The following FTO variants were observed in gnomAD, a reference collection of about 807,000 sequenced individuals.
FTO encodes the protein FTO alpha-ketoglutarate dependent dioxygenase.
Under a neutral mutation model 63.9 loss-of-function variants are expected in FTO, and 47 were observed. The observed-to-expected ratio is 0.74, with a 90% CI of 0.58 to 0.94. FTO has a LOEUF of 0.94. Ranked by LOEUF, FTO falls within the 40% of genes least tolerant of loss-of-function variation. The pLI is 0.00. For missense variants in FTO, 562 were observed against 618.1 expected, an observed-to-expected ratio of 0.91 and a Z score of 0.96; for synonymous variants, 207 against 224.4, an observed-to-expected ratio of 0.92 and a Z score of 0.69.
At chr16:53,758,918 G>C (rs150904975) in intron 1 of FTO, among the ~76,000 whole-genome samples, 9 of 151,468 alleles carry the variant, frequency 5.9e-5, no homozygotes, top group African/African-American at 2.2e-4. Flanking sequence ...TTAAAAAAAA[G>C]TTGTCCTTAG....
chr16:54,028,622 A>G (rs2084766787), intron 8 of FTO, among the ~76,000 whole-genome samples: 1 of 152,228 alleles, frequency 6.6e-6, no homozygotes, highest in Non-Finnish European at 1.5e-5. Context: ...CAAGTTGTAC[A>G]TTCTTGGAAG....
chr16:54,062,808 G>GT (rs754331525), intron 8 of FTO, among the ~76,000 whole-genome samples: 2 of 152,206 alleles, frequency 1.3e-5, no homozygotes, highest in Non-Finnish European at 2.9e-5. Context: ...AGACAGATAA[G>GT]TAACTGTGAA....
At chr16:53,917,471 T>C (rs2081897873) in intron 7 of FTO, among the ~76,000 whole-genome samples, 1 of 152,272 alleles carries the variant, frequency 6.6e-6, no homozygotes, top group Admixed American at 6.5e-5. Flanking sequence ...AGGATTTAAA[T>C]TGGGGTTACA....
chr16:54,014,850 CTTTT>C (rs149634902), intron 8 of FTO, among the ~76,000 whole-genome samples: 29,845 of 100,090 alleles, frequency 0.3, 3,287 homozygotes, highest in African/African-American at 0.43. Flanking sequence ...CTCTCTCTCT[CTTTT>C]TTTTTTTTTT....
intron 8 of FTO, among the ~76,000 whole-genome samples, chr16:54,020,970 C>CA (rs1488480160): frequency 1.3e-5 from 2 of 149,302 alleles, no homozygotes; most frequent in Admixed American, 6.6e-5. Flanking sequence ...GACTTTGTCT[C>CA]AAAAAAAGAA....
Position 54,111,985 on chromosome 16 carries a change from A to G in FTO, c.*70A>G, listed in dbSNP as rs752200242. 3.2e-6 allele frequency: 5 copies of G among 1,571,840 alleles called. No homozygotes were observed. In the South Asian group the frequency reaches 4.4e-5, roughly 14 times the overall value. On this transcript the variant is annotated 3_prime_UTR_variant, in exon 9 of 9. Transcript: ENST00000471389. ...TCTCCTCCAACGTTGTCATGGGCTT[A>G]AGCAAGAGCAGTGGAGACTTCTCTT... is the stretch of plus-strand genomic sequence containing the variant.
intron 1 of FTO, among the ~76,000 whole-genome samples, chr16:53,716,886 T>A (rs2075906535): frequency 6.6e-6 from 1 of 150,712 alleles, no homozygotes; most frequent in South Asian, 2.1e-4. Context: ...GTTATTATGC[T>A]TATATATAAT....
At chr16:53,986,621 A>G (rs1331248780) in intron 8 of FTO, among the ~76,000 whole-genome samples, 2 of 152,248 alleles carry the variant, frequency 1.3e-5, no homozygotes, top group South Asian at 2.1e-4. Context: ...GCTTAAAACT[A>G]TAATCAAGCT....
chr16:53,881,670 G>A (rs550931119), intron 6 of FTO, among the ~76,000 whole-genome samples: 34 of 152,220 alleles, frequency 2.2e-4, no homozygotes, highest in Non-Finnish European at 3.2e-4. Flanking sequence ...TCAAAGTTTC[G>A]CAAACTCTAC....
intron 7 of FTO, among the ~76,000 whole-genome samples, chr16:53,933,161 G>C (rs1301379019): frequency 8.5e-5 from 13 of 152,210 alleles, no homozygotes; most frequent in Admixed American, 8.5e-4. Flanking sequence ...AGTGTTTCAA[G>C]TTACAGGAGA....
chr16:53,961,736 T>TG (rs1261217356), intron 8 of FTO, among the ~76,000 whole-genome samples: 1 of 152,206 alleles, frequency 6.6e-6, no homozygotes, highest in African/African-American at 2.4e-5. Context: ...CAGCATATGT[T>TG]GGGATCTACC....
intron 3 of FTO, among the ~76,000 whole-genome samples, chr16:53,841,122 A>G: frequency 7.7e-6 from 1 of 129,116 alleles, no homozygotes; most frequent in Non-Finnish European, 1.7e-5. Context: ...GCTGCCACTC[A>G]CTAACCCTTG....
intron 8 of FTO, among the ~76,000 whole-genome samples, chr16:54,076,578 A>G (rs1216306143): frequency 3.9e-5 from 6 of 152,302 alleles, no homozygotes; most frequent in African/African-American, 1.4e-4. Flanking sequence ...TTGTATGTAT[A>G]TGCATATATA....
At chr16:53,988,204 G>T (rs1302998130) in intron 8 of FTO, among the ~76,000 whole-genome samples, 2 of 152,110 alleles carry the variant, frequency 1.3e-5, no homozygotes, top group Non-Finnish European at 2.9e-5. Flanking sequence ...ATTTTTAATG[G>T]TGGTTTTTAT....
At chr16:53,925,161 A>G (rs1393013834) in intron 7 of FTO, among the ~76,000 whole-genome samples, 1 of 151,870 alleles carries the variant, frequency 6.6e-6, no homozygotes, top group Non-Finnish European at 1.5e-5. Context: ...GCCTGTGGCA[A>G]TGTTGATGTG....
chr16:53,847,844 G>A (rs1454912511), intron 4 of FTO, among the ~76,000 whole-genome samples: 1 of 151,888 alleles, frequency 6.6e-6, no homozygotes, highest in African/African-American at 2.4e-5. Flanking sequence ...GTGTTATAAT[G>A]AGTATACACT....
intron 8 of FTO, among the ~76,000 whole-genome samples, chr16:54,019,252 C>T (rs906037079): frequency 5.3e-5 from 8 of 152,170 alleles, no homozygotes; most frequent in African/African-American, 1.7e-4. Context: ...GCACCATTAT[C>T]GACTGATTAA....
intron 4 of FTO, among the ~76,000 whole-genome samples, chr16:53,855,977 G>T (rs189778425): frequency 1.4e-3 from 217 of 152,162 alleles, no homozygotes; most frequent in Non-Finnish European, 2.7e-3. Flanking sequence ...CCTGTTTTGG[G>T]GTAATTCTGC....
intron 8 of FTO, among the ~76,000 whole-genome samples, chr16:54,060,773 G>A (rs79425742): frequency 0.016 from 2,443 of 152,254 alleles, 68 homozygotes; most frequent in African/African-American, 0.053. Flanking sequence ...ACTTTATGGA[G>A]GTATTTTGTT....
Sources: gnomAD v4.1 joint callset for allele counts (sites outside exome capture counted in the v4.1 genomes callset) on GRCh38, gnomAD v4.1.1 for gene constraint, MANE v1.5 for transcripts, NCBI Gene and HGNC (gene_info 2026-07-23, HGNC 2026-07-21) for gene names.